Variants in RERE observed in about 807,000 individuals in gnomAD.
The protein encoded by RERE is arginine-glutamic acid dipeptide repeats, also known as arginine-glutamic acid dipeptide repeats protein.
Under a neutral mutation model 146.1 loss-of-function variants are expected in RERE, and 40 were observed. That is an observed-to-expected ratio of 0.27 (90% CI 0.21 to 0.36). The LOEUF (loss-of-function observed/expected upper bound fraction) is 0.36, where lower values mean the gene tolerates loss of function less well. Among genes scored for constraint, RERE ranks in the 10% least tolerant of loss-of-function variants. The probability of loss-of-function intolerance (pLI) is 1.00; values close to 1 mark genes in which losing one functional copy is unlikely to be tolerated. For missense variants in RERE, 1,933 were observed against 2,138.7 expected (o/e 0.90, Z 1.90); for synonymous variants, 1,003 against 866.0 (o/e 1.16, Z -2.78).
chr1:8,468,247 A>T lies in RERE; in HGVS notation c.1105-2224T>A, dbSNP rs1389175015. Among the ~76,000 whole-genome samples, 5 of 152,184 alleles carry T rather than the reference A, an allele frequency of 3.3e-5. No homozygotes were observed. The East Asian group carries it at 9.6e-4, about 29-fold the overall frequency. ...ATTACCATTAGACTCTTTTAAAAAT[A>T]AAATACTATTATGATTTGCAAATGT... is the stretch of plus-strand genomic sequence containing the variant. On this transcript the variant is annotated intron_variant, in intron 10 of 22. Transcript: ENST00000400908.
At chr1:8,450,503 A>G (rs1294041999) in intron 11 of RERE, among the ~76,000 whole-genome samples, 1 of 151,870 alleles carries the variant, frequency 6.6e-6, no homozygotes, top group Non-Finnish European at 1.5e-5. Context: ...CGTCCTTCTG[A>G]CCAGAAGCTC....
chr1:8,794,486 C>T (rs6698830), intron 1 of RERE, among the ~76,000 whole-genome samples: 81,142 of 151,750 alleles, frequency 0.53, 22,351 homozygotes, highest in East Asian at 0.83. Context: ...GGGAAAACTG[C>T]TACCTGTTCC....
chr1:8,556,372 C>A, intron 6 of RERE, 103 bp downstream of exon 6: 1 of 683,846 alleles, frequency 1.5e-6, no homozygotes, highest in South Asian at 1.9e-5. Context: ...AAAGAGGAGT[C>A]TGATTAATAC....
At chr1:8,694,441 A>C (rs892110134) in intron 1 of RERE, among the ~76,000 whole-genome samples, 1 of 152,206 alleles carries the variant, frequency 6.6e-6, no homozygotes, top group African/African-American at 2.4e-5. Context: ...ATCTCTGCAA[A>C]GAGAACTAAA....
At chr1:8,728,611 TA>T (rs1369899254) in intron 1 of RERE, among the ~76,000 whole-genome samples, 1 of 152,220 alleles carries the variant, frequency 6.6e-6, no homozygotes, top group African/African-American at 2.4e-5. Context: ...GGACAGCACC[TA>T]AAACGGAATT....
intron 1 of RERE, among the ~76,000 whole-genome samples, chr1:8,815,468 A>C (rs1641892691): frequency 6.6e-6 from 1 of 152,234 alleles, no homozygotes; most frequent in Admixed American, 6.5e-5. Context: ...AAAAGCAATG[A>C]GAGCTGAACG....
intron 1 of RERE, among the ~76,000 whole-genome samples, chr1:8,756,305 A>C (rs1640638033): frequency 6.6e-6 from 1 of 152,220 alleles, no homozygotes; most frequent in East Asian, 1.9e-4. Context: ...TTATAACTAA[A>C]GTGACTACTG....
chr1:8,550,651 A>G (rs897913459), intron 6 of RERE, among the ~76,000 whole-genome samples: 3 of 152,072 alleles, frequency 2.0e-5, no homozygotes, highest in African/African-American at 4.8e-5. Flanking sequence ...GGTTAAAGCG[A>G]TTCTCCTGCC....
intron 11 of RERE, among the ~76,000 whole-genome samples, chr1:8,460,329 T>C (rs1466189904): frequency 6.6e-6 from 1 of 152,142 alleles, no homozygotes; most frequent in Non-Finnish European, 1.5e-5. Context: ...CTGCAAATAG[T>C]TGTGTGTATT....
rs1641142569 is a variant in RERE at position 8,352,701 on chromosome 1, A to T, written c.*2386T>A. 6.6e-6 allele frequency: 1 copy of T among 152,300 alleles called. No homozygotes were observed. The highest frequency in any genetic ancestry group is 1.5e-5 in the Non-Finnish European group (1 of 68,042). 9.4% of individuals were successfully genotyped at this position (152,300 alleles called of 1,614,324 possible). On this transcript the variant is annotated 3_prime_UTR_variant, in exon 23 of 23. Transcript: ENST00000400908. The stretch of plus-strand genomic sequence containing the variant: ...CCCCGAACAAAGGGAGGAAAATCCG[A>T]AGGAAACCGAGTGGTTGGGCTTCAA...
intron 4 of RERE, among the ~76,000 whole-genome samples, chr1:8,599,044 A>C (rs1334815599): frequency 3.9e-5 from 6 of 152,138 alleles, no homozygotes; most frequent in Non-Finnish European, 8.8e-5. Context: ...CCATGACAGG[A>C]CCTCCTGCAG....
chr1:8,502,373 C>G (rs1182070393), intron 8 of RERE, among the ~76,000 whole-genome samples: 5 of 120,798 alleles, frequency 4.1e-5, no homozygotes, highest in Non-Finnish European at 8.8e-5. Flanking sequence ...GCCGCCCTAT[C>G]CAGGAGGTGA....
chr1:8,499,385 G>T (rs1004306682), intron 8 of RERE, among the ~76,000 whole-genome samples: 9 of 152,226 alleles, frequency 5.9e-5, no homozygotes, highest in African/African-American at 2.2e-4. Context: ...ACAGCTATGT[G>T]TGGCAGTGGC....
intron 1 of RERE, among the ~76,000 whole-genome samples, chr1:8,756,269 T>C (rs905968081): frequency 6.6e-6 from 1 of 152,258 alleles, no homozygotes; most frequent in African/African-American, 2.4e-5. Context: ...TAACCATTTG[T>C]TATTTTTAAA....
At chr1:8,585,128 C>T (rs574250417) in intron 4 of RERE, among the ~76,000 whole-genome samples, 10 of 132,448 alleles carry the variant, frequency 7.6e-5, no homozygotes, top group African/African-American at 1.2e-4. Context: ...GCCTGGGCAA[C>T]GGAGCAAGAC....
intron 10 of RERE, among the ~76,000 whole-genome samples, chr1:8,490,073 GT>G (rs1278442547): frequency 7.4e-6 from 1 of 135,550 alleles, no homozygotes; most frequent in African/African-American, 2.8e-5. Flanking sequence ...AAAAAAACCT[GT>G]TTGACAGAAC....
chr1:8,542,180 C>T lies in RERE; in HGVS notation c.726-862G>A, dbSNP rs550316814. ...ACTCACTCCAGGATTCCCAAAGAGGCAGGGGAGGCTTAAGAACTCTAACTC... is the reference window on the plus strand; with the variant it reads ...ACTCACTCCAGGATTCCCAAAGAGGTAGGGGAGGCTTAAGAACTCTAACTC... On this transcript the variant is annotated intron_variant, in intron 6 of 22. Coordinates refer to ENST00000400908, the MANE Select transcript of RERE (RefSeq NM_001042681.2). 5.3e-5 allele frequency among the ~76,000 whole-genome samples: 8 copies of T among 152,132 alleles called. No individual in the cohort carries two copies. The East Asian group carries it at 9.7e-4, about 18-fold the overall frequency.
At chr1:8,770,523 C>A (rs997385652) in intron 1 of RERE, among the ~76,000 whole-genome samples, 4 of 152,190 alleles carry the variant, frequency 2.6e-5, no homozygotes, top group Admixed American at 6.5e-5. Context: ...TATAGCCCTA[C>A]TACGTACTAG....
rs58263107 is a variant in RERE at position 8,809,137 on chromosome 1, T to TAAA, written c.-145+8020_-145+8022dup. 1.7e-4 allele frequency among the ~76,000 whole-genome samples: 16 copies of TAAA among 95,038 alleles called. 1 individual carries two copies. Among genetic ancestry groups the TAAA allele is most frequent in the South Asian group, 3.1e-4 (1 of 3,200 alleles). The allele number at this position is 95,038 out of a possible 152,430, so 62.3% of individuals were successfully genotyped here. A position where few individuals can be genotyped will look rare whatever the true frequency, so the allele number is the denominator to read the frequency against. On this transcript the variant is annotated intron_variant, in intron 1 of 22. Transcript: ENST00000400908. ...TGGGCGACAGAGCGAGACTTTGTCT[T>TAAA]AAAAAAAAAAAAAAAAAAAAAAAGT...
Sources: allele counts gnomAD v4.1 joint callset (sites outside exome capture counted in the v4.1 genomes callset), GRCh38; gene constraint gnomAD v4.1.1; transcripts MANE v1.5; gene names NCBI Gene and HGNC (gene_info 2026-07-23, HGNC 2026-07-21).